ALOX12B: variants seen among roughly 807,000 people sequenced by gnomAD.
ALOX12B encodes arachidonate 12-lipoxygenase, 12R-type.
ALOX12B carries 47 observed loss-of-function variants against 78.9 expected under a neutral mutation model. That is an observed-to-expected ratio of 0.60 (90% CI 0.47 to 0.76). The LOEUF (loss-of-function observed/expected upper bound fraction) is 0.76, where lower values mean the gene tolerates loss of function less well. Among genes scored for constraint, ALOX12B ranks in the 30% least tolerant of loss-of-function variants. ALOX12B has a pLI of 0.00. For missense variants in ALOX12B, 805 were observed against 922.6 expected, an observed-to-expected ratio of 0.87 and a Z score of 1.65; for synonymous variants, 370 against 374.5, an observed-to-expected ratio of 0.99 and a Z score of 0.14.
chr17:8,077,275 G>A, intron 8 of ALOX12B, 82 bp from the exon 9 acceptor site: 1 of 1,396,302 alleles, frequency 7.2e-7, no homozygotes. Context: ...GGAGGCAGAA[G>A]GGAGTATGAG....
chr17:8,073,879 A>AC, intron 12 of ALOX12B, 122 bp from the exon 13 acceptor site: 1 of 781,358 alleles, frequency 1.3e-6, no homozygotes, highest in Admixed American at 2.0e-5. Flanking sequence ...CCGCATCCGT[A>AC]CCCTCATCCT....
rs1201448391 is a variant in ALOX12B at position 8,075,595 on chromosome 17, C to G, written c.1654G>C (p.Gly552Arg). The G allele has an allele frequency of 1.2e-6, 2 of 1,614,124 alleles. No individual in the cohort carries two copies. Among genetic ancestry groups the G allele is most frequent in the Non-Finnish European group, 1.7e-6 (2 of 1,180,018 alleles). The change falls in exon 12 of 15, where the codon GGC becomes CGC. Residue 552 changes from glycine (G) to arginine (R), a missense_variant and splice_region_variant. Physicochemically the swap from Gly to Arg is moderately radical, Grantham distance 125. Coordinates refer to ENST00000647874, the MANE Select transcript of ALOX12B (RefSeq NM_001139.3). ...KECLLGRESS[G>R]FPRCLRTVPE... ...ATTGCCCAGGTGTCCAGGCCCATAC[C>G]TGAGCTCTCCCGCCCCAGGAGGCAC...
rs757668122 is a variant in ALOX12B at position 8,079,760 on chromosome 17, G to T, written c.927+9C>A. The T allele has an allele frequency of 6.2e-6, 10 of 1,610,168 alleles. No individual in the cohort carries two copies. Among genetic ancestry groups the T allele is most frequent in the South Asian group, 1.1e-5 (1 of 90,718 alleles). ...GGAGGGCCGGGGTCTCCGCCGGAGC[G>T]GGCCTCACCTCCAGCTCCGCTTGCA... is the stretch of plus-strand genomic sequence containing the variant. On this transcript the variant is annotated intron_variant, in intron 7 of 14. Coordinates refer to ENST00000647874, the MANE Select transcript of ALOX12B (RefSeq NM_001139.3). The surrounding 1 kb of genome is among the most constrained non-coding windows in gnomAD (Gnocchi z 6.4).
At chr17:8,073,953 C>G (rs1008565987) in intron 12 of ALOX12B, among the ~76,000 whole-genome samples, 196 bp from the exon 13 acceptor site, 2 of 152,194 alleles carry the variant, frequency 1.3e-5, no homozygotes, top group African/African-American at 2.4e-5. Flanking sequence ...AGGCTGGGGA[C>G]GGAGGACTTG....
At chr17:8,076,129 C>G in intron 11 of ALOX12B, 46 bp downstream of exon 11, 1 of 1,611,638 alleles carries the variant, frequency 6.2e-7, no homozygotes, top group Non-Finnish European at 8.5e-7. Context: ...CTCCAACATC[C>G]CAGGTTGTCC....
chr17:8,083,252 A>G (rs1044893226), intron 2 of ALOX12B, among the ~76,000 whole-genome samples: 1 of 152,064 alleles, frequency 6.6e-6, no homozygotes, highest in African/African-American at 2.4e-5. Flanking sequence ...ATACATGTGT[A>G]TGTAGCTTCT....
chr17:8,085,433 G>A (rs1239221291), intron 2 of ALOX12B, among the ~76,000 whole-genome samples: 1 of 152,186 alleles, frequency 6.6e-6, no homozygotes, highest in African/African-American at 2.4e-5. Flanking sequence ...GGCAACAAGA[G>A]TGAAACTCCG....
intron 1 of ALOX12B, 134 bp downstream of exon 1, chr17:8,087,162 C>T: frequency 1.5e-6 from 2 of 1,332,330 alleles, no homozygotes; most frequent in Non-Finnish European, 2.1e-6. Flanking sequence ...CCAAGCTCAG[C>T]TCACCTGGCT....
chr17:8,080,799 G>A lies in ALOX12B; in HGVS notation c.528-19C>T. ...ATTCCACCTGTGGGGAGAAGCGCAG[G>A]GCAACTGGGATCCAGGGGGCGGGGA... is the stretch of plus-strand genomic sequence containing the variant. On this transcript the variant is annotated intron_variant, in intron 4 of 14. Coordinates refer to ENST00000647874, the MANE Select transcript of ALOX12B (RefSeq NM_001139.3). This position sits in a 1 kb window ranked among gnomAD's most constrained non-coding sequence, Gnocchi z 4.8. 16 of 1,614,134 alleles carry A rather than the reference G, an allele frequency of 9.9e-6. No homozygotes were observed. The highest frequency in any genetic ancestry group is 1.3e-5 in the Non-Finnish European group (15 of 1,180,022).
At position 8,087,288 on chromosome 17, in the gene ALOX12B, A is replaced by T. The variant is rs373326912; in HGVS notation, c.147+8T>A. The T allele has an allele frequency of 6.8e-6, 11 of 1,608,066 alleles. No homozygotes were observed. The highest frequency in any genetic ancestry group is 2.7e-5 in the African/African-American group (2 of 73,442). On this transcript the variant is annotated splice_region_variant and intron_variant, in intron 1 of 14. Transcript: ENST00000647874. ...CACACACACACACACACACACACAC[A>T]CTCTTACCGCCCCAGTTGCAAAGTC...
At chr17:8,085,916 C>T (rs1018571758) in intron 2 of ALOX12B, 100 bp downstream of exon 2, 2 of 1,411,404 alleles carry the variant, frequency 1.4e-6, no homozygotes, top group Non-Finnish European at 2.0e-6. Context: ...GGGGCTGGGC[C>T]CCCCTCTGGC....
rs1006617361 is a variant in ALOX12B, at chr17:8,079,114, G to T, written c.1071+282C>A. ...GGGTTTCACCGTGTTAGCCAGGATGGTCTCGATCTCCTGACCTCGTGATCC... is the reference window on the plus strand; with the variant it reads ...GGGTTTCACCGTGTTAGCCAGGATGTTCTCGATCTCCTGACCTCGTGATCC... On this transcript the variant is annotated intron_variant, in intron 8 of 14. Transcript: ENST00000647874. The surrounding 1 kb of genome is among the most constrained non-coding windows in gnomAD (Gnocchi z 6.4). Among the ~76,000 whole-genome samples the T allele has an allele frequency of 2.0e-5, 3 of 151,910 alleles. No homozygotes were observed. The highest frequency in any genetic ancestry group is 4.8e-5 in the African/African-American group (2 of 41,362).
In ALOX12B at chr17:8,079,417, C is replaced by T. The variant is rs144280751; in HGVS notation, c.1050G>A (p.Lys350=). 1.2e-4 allele frequency: 193 copies of T among 1,552,042 alleles called. No individual in the cohort carries two copies. Among genetic ancestry groups the T allele is most frequent in the Non-Finnish European group, 1.6e-4 (188 of 1,147,648 alleles). Residue 350 remains lysine, a synonymous_variant, in exon 8 of 15, where the codon AAG becomes AAA. Transcript: ENST00000647874. This position sits in a 1 kb window ranked among gnomAD's most constrained non-coding sequence, Gnocchi z 6.4. Reference sequence around the variant, plus strand: ...GCACCTGGATGGCGATGGGCATCATCTTGCCCTCGGGTCCAAAGTGCAGCA... The same window carrying T: ...GCACCTGGATGGCGATGGGCATCATTTTGCCCTCGGGTCCAAAGTGCAGCA... The part of the protein sequence containing the change: ...LCLLHFGPEG[K]MMPIAIQLSQ...
intron 12 of ALOX12B, among the ~76,000 whole-genome samples, chr17:8,074,284 C>T (rs1489118939): frequency 1.3e-5 from 2 of 152,192 alleles, no homozygotes; most frequent in African/African-American, 2.4e-5. Context: ...TTCCTGTTGT[C>T]CGGTGTGTCC....
At position 8,080,111 on chromosome 17, in the gene ALOX12B, C is replaced by T; in HGVS notation, c.754+124G>A. On this transcript the variant is annotated intron_variant, in intron 6 of 14. Transcript: ENST00000647874. The surrounding 1 kb of genome is among the most constrained non-coding windows in gnomAD (Gnocchi z 4.8). ...CCCGGTGCGACATTTTCCAAGAAGC[C>T]GCCAGAGGGCGCGCGCGCGCCTCGC... 3 of 1,462,230 alleles carry T rather than the reference C, an allele frequency of 2.1e-6. No homozygotes were observed. The highest frequency in any genetic ancestry group is 2.9e-6 in the Non-Finnish European group (3 of 1,044,924). 90.6% of individuals were successfully genotyped at this position (1,462,230 alleles called of 1,614,324 possible).
rs1179656511 is a variant in ALOX12B, at chr17:8,076,347, G to C, written c.1363-3C>G. ...CCTTCCACGCCCAGGGACATGCCCTGTGAGGAAGGAGGCAGATCCTGGAGC... is the reference window on the plus strand; with the variant it reads ...CCTTCCACGCCCAGGGACATGCCCTCTGAGGAAGGAGGCAGATCCTGGAGC... On this transcript the variant is annotated splice_region_variant and splice_polypyrimidine_tract_variant and intron_variant, in intron 10 of 14. Coordinates refer to ENST00000647874, the MANE Select transcript of ALOX12B (RefSeq NM_001139.3). 6.3e-7 allele frequency: 1 copy of C among 1,597,064 alleles called. No individual in the cohort carries two copies. The highest frequency in any genetic ancestry group is 8.5e-7 in the Non-Finnish European group (1 of 1,171,370).
chr17:8,077,779 C>T (rs1234016992), intron 8 of ALOX12B, among the ~76,000 whole-genome samples: 2 of 152,204 alleles, frequency 1.3e-5, no homozygotes, highest in African/African-American at 2.4e-5. Context: ...AGGGACCTGA[C>T]CCCCTTCAGG....
In ALOX12B at chr17:8,072,968, G is replaced by C. The variant is rs750329819; in HGVS notation, c.1927-18C>G. On this transcript the variant is annotated intron_variant, in intron 14 of 14. Coordinates refer to ENST00000647874, the MANE Select transcript of ALOX12B (RefSeq NM_001139.3). ...AGGGGCCGCTGCGGGCAGAGAGCTC[G>C]ACAGCTGGGACCAGGGCCGGCCAGC... 1.9e-6 allele frequency: 3 copies of C among 1,607,860 alleles called. No homozygotes were observed. Among genetic ancestry groups the C allele is most frequent in the Non-Finnish European group, 2.5e-6 (3 of 1,176,836 alleles).
At position 8,080,833 on chromosome 17, in the gene ALOX12B, G is replaced by A; in HGVS notation, c.527+51C>T. 1 of 1,613,852 alleles carries A rather than the reference G, an allele frequency of 6.2e-7. No homozygotes were observed. Among genetic ancestry groups the A allele is most frequent in the Admixed American group, 1.7e-5 (1 of 60,016 alleles). On this transcript the variant is annotated intron_variant, in intron 4 of 14. Transcript: ENST00000647874. The surrounding 1 kb of genome is among the most constrained non-coding windows in gnomAD (Gnocchi z 4.8). ...GATCCAGGGGGCGGGGAGGAGGCAG[G>A]CGCCCAGGGGAAAACCATGGGCGGG... is the stretch of plus-strand genomic sequence containing the variant.
Sources: allele counts gnomAD v4.1 joint callset (sites outside exome capture counted in the v4.1 genomes callset), GRCh38; gene constraint gnomAD v4.1.1; non-coding constraint Gnocchi (gnomAD v3.1); transcripts MANE v1.5; gene names NCBI Gene and HGNC (gene_info 2026-07-23, HGNC 2026-07-21).